Variants in ACOT7 observed in about 807,000 individuals in gnomAD.
ACOT7 encodes the protein acyl-CoA thioesterase 7.
A neutral mutation model predicts 40.2 loss-of-function variants in ACOT7; 12 were observed. The ratio of observed to expected loss-of-function variants is 0.30; its 90% CI spans 0.19 to 0.48. The LOEUF is 0.48. ACOT7 is among the 20% of genes least tolerant of loss of function. The pLI is 0.99. For missense variants in ACOT7, 395 were observed against 530.8 expected (o/e 0.74, Z 2.51); for synonymous variants, 228 against 219.5 (o/e 1.04, Z -0.34).
At chr1:6,323,737 AATATATATATATATAT>A (rs57302929) in intron 5 of ACOT7, among the ~76,000 whole-genome samples, 94 of 38,412 alleles carry the variant, frequency 2.4e-3, no homozygotes, top group African/African-American at 7.1e-3. Context: ...AAAAAAAAAA[AATATATATATATATAT>A]ATATATATAT....
chr1:6,370,292 T>C (rs1158891129), intron 1 of ACOT7, among the ~76,000 whole-genome samples: 2 of 152,066 alleles, frequency 1.3e-5, no homozygotes, highest in South Asian at 4.1e-4. Flanking sequence ...TGCAGAACCA[T>C]GAGCCAAATA....
At position 6,393,689 on chromosome 1, in the gene ACOT7, G is replaced by A; in HGVS notation, c.-290C>T. ...GCGCCCGACCCGGTGGCAGCCCCGA[G>A]GGAAGCGTCTGGGGCGGCCTAAGTG... On this transcript the variant is annotated 5_prime_UTR_variant, in exon 1 of 9. Coordinates refer to ENST00000361521, the MANE Select transcript of ACOT7 (RefSeq NM_007274.4). 4.5e-6 allele frequency: 1 copy of A among 223,512 alleles called. No individual in the cohort carries two copies. The highest frequency in any genetic ancestry group is 8.7e-6 in the Non-Finnish European group (1 of 115,124). The allele number at this position is 223,512 out of a possible 1,614,324, so 13.8% of individuals were successfully genotyped here. A position where few individuals can be genotyped will look rare whatever the true frequency, so the allele number is the denominator to read the frequency against.
intron 4 of ACOT7, among the ~76,000 whole-genome samples, chr1:6,332,046 A>G (rs1248971086): frequency 2.0e-5 from 3 of 152,234 alleles, no homozygotes; most frequent in Non-Finnish European, 2.9e-5. Context: ...GCACCCGGCA[A>G]ACGCTGGGGA....
chr1:6,380,189 C>T (rs574590989), intron 1 of ACOT7, among the ~76,000 whole-genome samples: 1 of 151,836 alleles, frequency 6.6e-6, no homozygotes, highest in South Asian at 2.1e-4. Flanking sequence ...CACAAAGCTA[C>T]AATAATCAAA....
intron 8 of ACOT7, 45 bp downstream of exon 8, chr1:6,281,057 G>C (rs763564100): frequency 2.5e-5 from 40 of 1,591,514 alleles, no homozygotes; most frequent in Non-Finnish European, 3.3e-5. Context: ...GGACCCTAGG[G>C]CTGCCTGGCA....
In ACOT7 at chr1:6,318,588, CAA is replaced by C; in HGVS notation, c.626-12_626-11del. ...CTGACAGTGTTCGGCTCTGGAATTGCAAAAGAGAGAGATTAGTTATGGGGTAG... is the reference window on the plus strand; with the variant it reads ...CTGACAGTGTTCGGCTCTGGAATTGCAAGAGAGAGATTAGTTATGGGGTAG... On this transcript the variant is annotated splice_polypyrimidine_tract_variant and intron_variant, in intron 5 of 8. Transcript: ENST00000361521. The C allele has an allele frequency of 6.2e-7, 1 of 1,613,424 alleles. No homozygotes were observed. Among genetic ancestry groups the C allele is most frequent in the South Asian group, 1.1e-5 (1 of 90,944 alleles).
At chr1:6,265,385 G>A (rs972855085) in intron 8 of ACOT7, among the ~76,000 whole-genome samples, 2 of 152,206 alleles carry the variant, frequency 1.3e-5, no homozygotes, top group Non-Finnish European at 2.9e-5. Flanking sequence ...AGAAGGCCCC[G>A]CCCCGTACTG....
rs1376662053 is a variant in ACOT7 at position 6,358,013 on chromosome 1, C to T, written c.144-8147G>A. On this transcript the variant is annotated intron_variant, in intron 1 of 8. Coordinates refer to ENST00000361521, the MANE Select transcript of ACOT7 (RefSeq NM_007274.4). This position sits in a 1 kb window ranked among gnomAD's most constrained non-coding sequence, Gnocchi z 4.1. ...TCCCAAGTAGCTGGGATTACAGGTG[C>T]GTGCCACCATGCCTGGCTAATTTTT... Among the ~76,000 whole-genome samples the T allele has an allele frequency of 1.3e-5, 2 of 151,954 alleles. No homozygotes were observed. The highest frequency in any genetic ancestry group is 1.9e-4 in the East Asian group (1 of 5,162).
chr1:6,322,856 C>T (rs1640686680), intron 5 of ACOT7, among the ~76,000 whole-genome samples: 2 of 152,140 alleles, frequency 1.3e-5, no homozygotes, highest in African/African-American at 2.4e-5. Context: ...TGGGGCCGGG[C>T]GCAGTGGCTC....
Position 6,264,504 on chromosome 1 carries a change from T to C in ACOT7, c.*93A>G. ...AGACAACACCAGCTCTCAATGTGAA[T>C]TGGGTTTTTGGCCAAGGGGGGAACT... On this transcript the variant is annotated 3_prime_UTR_variant, in exon 9 of 9. Coordinates refer to ENST00000361521, the MANE Select transcript of ACOT7 (RefSeq NM_007274.4). 4.2e-6 allele frequency: 5 copies of C among 1,187,296 alleles called. No homozygotes were observed. In the South Asian group the frequency reaches 5.9e-5, roughly 14 times the overall value. The allele number at this position is 1,187,296 out of a possible 1,614,324, so 73.5% of individuals were successfully genotyped here. A position where few individuals can be genotyped will look rare whatever the true frequency, so the allele number is the denominator to read the frequency against.
chr1:6,287,826 C>G (rs939544028), intron 7 of ACOT7, among the ~76,000 whole-genome samples: 1 of 152,210 alleles, frequency 6.6e-6, no homozygotes, highest in African/African-American at 2.4e-5. Context: ...CCAAAAAGAG[C>G]TGTGGCTGTT....
intron 3 of ACOT7, among the ~76,000 whole-genome samples, chr1:6,339,224 A>G (rs1372230280): frequency 6.6e-6 from 1 of 152,108 alleles, no homozygotes; most frequent in African/African-American, 2.4e-5. Context: ...GGGTAACTGA[A>G]CTCGTTTCCT....
At chr1:6,305,562 G>C (rs1415368342) in intron 6 of ACOT7, among the ~76,000 whole-genome samples, 1 of 135,636 alleles carries the variant, frequency 7.4e-6, no homozygotes, top group African/African-American at 3.0e-5. Context: ...CGGGGCGGCC[G>C]GGCAGAGACG....
intron 1 of ACOT7, among the ~76,000 whole-genome samples, chr1:6,371,407 G>A (rs1247926750): frequency 6.7e-6 from 1 of 149,694 alleles, no homozygotes; most frequent in Non-Finnish European, 1.5e-5. Context: ...CACCCAGGCT[G>A]GAGTGCTGTG....
chr1:6,269,600 G>A (rs1268671165), intron 8 of ACOT7, among the ~76,000 whole-genome samples: 1 of 152,276 alleles, frequency 6.6e-6, no homozygotes, highest in South Asian at 2.1e-4. Flanking sequence ...TCCAGGCTGA[G>A]GGAGAATCTG....
intron 8 of ACOT7, among the ~76,000 whole-genome samples, chr1:6,270,698 C>T (rs985774393): frequency 2.0e-5 from 3 of 152,160 alleles, no homozygotes; most frequent in African/African-American, 4.8e-5. Context: ...CCTATGGTGC[C>T]GGTGCACGTG....
chr1:6,360,036 T>C (rs1221632289), intron 1 of ACOT7, among the ~76,000 whole-genome samples: 2 of 152,248 alleles, frequency 1.3e-5, no homozygotes, highest in Non-Finnish European at 2.9e-5. Flanking sequence ...AAAAGTTAAA[T>C]AGGTAAATTA....
rs1404457237 is a variant in ACOT7 at position 6,383,512 on chromosome 1, A to G, written c.143+9745T>C. ...TGATGGCAGATTTTTTTAACGGTAAATTATATATTATGTGTATTTTAACAC... is the reference window on the plus strand; with the variant it reads ...TGATGGCAGATTTTTTTAACGGTAAGTTATATATTATGTGTATTTTAACAC... On this transcript the variant is annotated intron_variant, in intron 1 of 8. Coordinates refer to ENST00000361521, the MANE Select transcript of ACOT7 (RefSeq NM_007274.4). Among the ~76,000 whole-genome samples, 2 of 149,206 alleles carry G rather than the reference A, an allele frequency of 1.3e-5. 1 individual carries two copies. The highest frequency in any genetic ancestry group is 3.0e-5 in the Non-Finnish European group (2 of 67,406).
intron 1 of ACOT7, among the ~76,000 whole-genome samples, chr1:6,383,604 A>G (rs1403986666): frequency 6.6e-6 from 1 of 150,514 alleles, no homozygotes; most frequent in Admixed American, 6.6e-5. Context: ...GTGGTGCAAT[A>G]AGCTCACTAC....
Sources: gnomAD v4.1 joint callset for allele counts (sites outside exome capture counted in the v4.1 genomes callset) on GRCh38, gnomAD v4.1.1 for gene constraint, Gnocchi (gnomAD v3.1) non-coding constraint, MANE v1.5 for transcripts, NCBI Gene and HGNC (gene_info 2026-07-23, HGNC 2026-07-21) for gene names.